The following APBA1 variants were observed in gnomAD, a reference collection of about 807,000 sequenced individuals.
APBA1 encodes the protein amyloid-beta A4 precursor protein-binding family A member 1.
Under a neutral mutation model 86.6 loss-of-function variants are expected in APBA1, and 55 were observed. That is an observed-to-expected ratio of 0.64 (90% CI 0.51 to 0.80). The LOEUF (loss-of-function observed/expected upper bound fraction) is 0.80, where lower values mean the gene tolerates loss of function less well. Ranked by LOEUF, APBA1 falls within the 30% of genes least tolerant of loss-of-function variation. The pLI is 0.00. For synonymous variants in APBA1, 511 were observed against 493.9 expected (o/e 1.03, Z -0.46); for missense variants, 1,090 against 1,183.0 (o/e 0.92, Z 1.15).
chr9:69,513,073 C>T (rs1245657289), intron 2 of APBA1, among the ~76,000 whole-genome samples: 2 of 152,150 alleles, frequency 1.3e-5, no homozygotes, highest in Admixed American at 6.5e-5. Context: ...TTAAAAATGA[C>T]TGCTGGAATA....
intron 1 of APBA1, among the ~76,000 whole-genome samples, chr9:69,534,184 G>T (rs1457174410): frequency 6.6e-6 from 1 of 152,166 alleles, no homozygotes; most frequent in Non-Finnish European, 1.5e-5. Flanking sequence ...CCCTTTCTGA[G>T]GAGAGGGCAA....
chr9:69,431,275 C>T lies in APBA1; in HGVS notation c.*52G>A. On this transcript the variant is annotated 3_prime_UTR_variant, in exon 13 of 13. Coordinates refer to ENST00000265381, the MANE Select transcript of APBA1 (RefSeq NM_001163.4). ...GGACACAGGGATGCAGCACGAGAAA[C>T]ACAACCACGAAGAGGAGAGTCCTCC... is the stretch of plus-strand genomic sequence containing the variant. 3 of 1,451,192 alleles carry T rather than the reference C, an allele frequency of 2.1e-6. No individual in the cohort carries two copies. Among genetic ancestry groups the T allele is most frequent in the Non-Finnish European group, 2.8e-6 (3 of 1,072,450 alleles). 89.9% of individuals were successfully genotyped at this position (1,451,192 alleles called of 1,614,324 possible). A position where few individuals can be genotyped will look rare whatever the true frequency, so the allele number is the denominator to read the frequency against.
In APBA1 at chr9:69,630,375, T is replaced by C. The variant is rs181736775; in HGVS notation, c.-70+41778A>G. Among the ~76,000 whole-genome samples, 498 of 152,264 alleles carry C rather than the reference T, an allele frequency of 3.3e-3. 5 individuals are homozygous for C. The highest frequency in any genetic ancestry group is 3.5e-3 in the Admixed American group (53 of 15,300). On this transcript the variant is annotated intron_variant, in intron 1 of 12. Transcript: ENST00000265381. The stretch of plus-strand genomic sequence containing the variant: ...GCTCCCCCTCTCTGCTACATTGTTA[T>C]CCTCTTCCTGTCTATGGACTCTGCT...
chr9:69,441,039 G>T lies in APBA1; in HGVS notation c.2258C>A (p.Pro753Gln). The T allele has an allele frequency of 6.2e-7, 1 of 1,614,078 alleles. No homozygotes were observed. Among genetic ancestry groups the T allele is most frequent in the African/African-American group, 1.3e-5 (1 of 75,032 alleles). ...GAAACCGAGCTGGTAGCGAAGGTCTGGTCTTCTGATTAACACGGTGGTCAC... is the reference window on the plus strand; with the variant it reads ...GAAACCGAGCTGGTAGCGAAGGTCTTGTCTTCTGATTAACACGGTGGTCAC... ...PPVTTVLIRR[P>Q]DLRYQLGFSV... Residue 753 changes from proline to glutamine, a missense_variant, in exon 11 of 13, where the codon CCA (proline) becomes CAA (glutamine). By Grantham distance (76) the Pro-to-Gln change is moderately conservative. Around this residue, in one of 6 missense-constraint regions of APBA1, gnomAD observed 119 missense variants for 124.8 expected, o/e 0.95. Transcript: ENST00000265381.
intron 1 of APBA1, among the ~76,000 whole-genome samples, chr9:69,535,671 T>C (rs1449972447): frequency 1.3e-5 from 2 of 152,168 alleles, no homozygotes. Flanking sequence ...TTTTCTTATC[T>C]TTTCTCTGTT....
intron 1 of APBA1, among the ~76,000 whole-genome samples, chr9:69,660,883 G>A (rs1823740690): frequency 6.6e-6 from 1 of 152,190 alleles, no homozygotes; most frequent in African/African-American, 2.4e-5. Context: ...GAAAAGATGA[G>A]CATGAGCTGC....
intron 1 of APBA1, among the ~76,000 whole-genome samples, chr9:69,597,077 G>T (rs2133969970): frequency 6.6e-6 from 1 of 152,336 alleles, no homozygotes; most frequent in Middle Eastern, 3.4e-3. Flanking sequence ...ATTACAGAAA[G>T]ATTCCCATTG....
At chr9:69,504,846 T>C (rs1211740719) in intron 2 of APBA1, among the ~76,000 whole-genome samples, 1 of 152,070 alleles carries the variant, frequency 6.6e-6, no homozygotes, top group Non-Finnish European at 1.5e-5. Context: ...CCTCCCATCT[T>C]CTGCGGGGAG....
At chr9:69,448,259 C>A (rs2133804429) in intron 10 of APBA1, among the ~76,000 whole-genome samples, 1 of 152,368 alleles carries the variant, frequency 6.6e-6, no homozygotes, top group African/African-American at 2.4e-5. Flanking sequence ...GCCGCAGAGC[C>A]CTTGCACGTC....
At chr9:69,623,269 G>C (rs879510463) in intron 1 of APBA1, among the ~76,000 whole-genome samples, 1 of 152,092 alleles carries the variant, frequency 6.6e-6, no homozygotes, top group African/African-American at 2.4e-5. Context: ...AAATAGATAA[G>C]GGTGATTCTG....
intron 2 of APBA1, among the ~76,000 whole-genome samples, chr9:69,495,803 A>T (rs924730922): frequency 3.9e-5 from 6 of 152,016 alleles, no homozygotes; most frequent in Non-Finnish European, 8.8e-5. Flanking sequence ...TTGGGGGAAA[A>T]GAGGCTCTCT....
chr9:69,578,799 G>A (rs1342937313), intron 1 of APBA1, among the ~76,000 whole-genome samples: 2 of 152,134 alleles, frequency 1.3e-5, no homozygotes, highest in Admixed American at 6.5e-5. Context: ...ACAATAGTAT[G>A]TCTGCATTTT....
At chr9:69,548,964 G>T (rs367766132) in intron 1 of APBA1, among the ~76,000 whole-genome samples, 22 of 152,374 alleles carry the variant, frequency 1.4e-4, no homozygotes, top group African/African-American at 5.3e-4. Flanking sequence ...AATGCCCGGG[G>T]TGGTGGGAAC....
chr9:69,649,951 A>G (rs1564102511), intron 1 of APBA1, among the ~76,000 whole-genome samples: 1 of 152,220 alleles, frequency 6.6e-6, no homozygotes, highest in Non-Finnish European at 1.5e-5. Context: ...TTAAAGTAAT[A>G]ATAAAGATTT....
intron 1 of APBA1, among the ~76,000 whole-genome samples, chr9:69,630,199 A>G (rs188202912): frequency 6.6e-6 from 1 of 152,200 alleles, no homozygotes; most frequent in East Asian, 1.9e-4. Context: ...AGGGAACCAA[A>G]AATGCAAAGG....
At position 69,432,642 on chromosome 9, in the gene APBA1, C is replaced by T. The variant is rs1465948751; in HGVS notation, c.2336G>A (p.Arg779Lys). The T allele has an allele frequency of 6.2e-7, 1 of 1,602,884 alleles. No homozygotes were observed. The highest frequency in any genetic ancestry group is 8.5e-7 in the Non-Finnish European group (1 of 1,175,618). ...CSLMRGGIAE[R>K]GGVRVGHRII... ...CCGGTGCCCCACACGGACGCCTCCT[C>T]TCTCAGCTATTCCCCCTCGCATGAG... The change falls in exon 12 of 13, where the codon AGA becomes AAA. Residue 779 changes from arginine to lysine, a missense_variant. By Grantham distance (26) the Arg-to-Lys change is conservative. Around this residue, in one of 6 missense-constraint regions of APBA1, gnomAD observed 119 missense variants for 124.8 expected, o/e 0.95. Coordinates refer to ENST00000265381, the MANE Select transcript of APBA1 (RefSeq NM_001163.4).
At chr9:69,454,526 AGTG>A (rs980762831) in intron 8 of APBA1, among the ~76,000 whole-genome samples, 3 of 152,208 alleles carry the variant, frequency 2.0e-5, no homozygotes, top group African/African-American at 7.2e-5. Flanking sequence ...CTTGAGGCTT[AGTG>A]GCTGCACAGC....
intron 2 of APBA1, among the ~76,000 whole-genome samples, chr9:69,509,959 A>G (rs1442596998): frequency 8.6e-6 from 1 of 116,636 alleles, no homozygotes; most frequent in African/African-American, 3.7e-5. Context: ...CCCACAGCCA[A>G]TATCATACCG....
At chr9:69,457,674 G>A (rs1002981749) in intron 6 of APBA1, among the ~76,000 whole-genome samples, 1 of 152,132 alleles carries the variant, frequency 6.6e-6, no homozygotes, top group Non-Finnish European at 1.5e-5. Flanking sequence ...GAGCCCCAAT[G>A]CCTCAACGTC....
Sources: gnomAD v4.1 joint callset for allele counts (sites outside exome capture counted in the v4.1 genomes callset) on GRCh38, gnomAD v4.1.1 for gene constraint, gnomAD v4.1.1 regional missense constraint, MANE v1.5 for transcripts, NCBI Gene and HGNC (gene_info 2026-07-23, HGNC 2026-07-21) for gene names.